The following PYY variants were observed in gnomAD, a reference collection of about 807,000 sequenced individuals.
The protein encoded by PYY is peptide YY, also known as peptide tyrosine tyrosine.
In PYY, 12 loss-of-function variants were observed where a neutral mutation model predicts 10.3. The ratio of observed to expected loss-of-function variants is 1.17; its 90% CI spans 0.75 to 1.89. The LOEUF (loss-of-function observed/expected upper bound fraction) is 1.89. PYY is among the 40% of genes most tolerant of loss of function. The pLI, the probability that PYY is intolerant of heterozygous loss-of-function variation, is 0.00. For synonymous variants in PYY, 66 were observed against 62.0 expected (o/e 1.06, Z -0.30); for missense variants, 141 against 134.0 (o/e 1.05, Z -0.26).
At chr17:43,970,201 T>TA (rs59609569) in intron 1 of PYY, among the ~76,000 whole-genome samples, 3,022 of 95,468 alleles carry the variant, frequency 0.032, 54 homozygotes, top group Middle Eastern at 0.051. Context: ...CCCTGTCTCT[T>TA]AAAAAAAAAA....
At chr17:43,976,583 C>G (rs2048850435) in intron 1 of PYY, among the ~76,000 whole-genome samples, 1 of 151,904 alleles carries the variant, frequency 6.6e-6, no homozygotes, top group South Asian at 2.1e-4. Flanking sequence ...ACCAGCCTGG[C>G]CAACATGGTG....
chr17:43,972,441 C>G (rs2143920839), intron 1 of PYY, among the ~76,000 whole-genome samples: 1 of 152,226 alleles, frequency 6.6e-6, no homozygotes. Context: ...GTCTCAAACT[C>G]CTGACCTCAG....
chr17:43,953,503 A>AC lies in PYY; in HGVS notation c.1-21dup. On this transcript the variant is annotated intron_variant, in intron 1 of 3. Transcript: ENST00000692052. ...CACCATCTGGGAAGGCGACATTGGG[A>AC]CGTGGGTCATTCCAAGCCTCGACCC... 5.1e-6 allele frequency: 8 copies of AC among 1,567,886 alleles called. No homozygotes were observed. The highest frequency in any genetic ancestry group is 6.1e-6 in the Non-Finnish European group (7 of 1,155,246).
chr17:43,963,950 C>CA (rs1254052825), intron 2 of PYY, among the ~76,000 whole-genome samples: 1 of 152,176 alleles, frequency 6.6e-6, no homozygotes, highest in Non-Finnish European at 1.5e-5. Context: ...ATCAAGGCTG[C>CA]AGTGAGCTGT....
chr17:43,957,103 C>T (rs1366430658), upstream of PYY, among the ~76,000 whole-genome samples: 2 of 148,530 alleles, frequency 1.3e-5, no homozygotes, highest in Admixed American at 1.4e-4. Flanking sequence ...GAGGCTGAAG[C>T]AGGAAAATTG....
Position 43,982,611 on chromosome 17 carries a change from G to A in PYY, c.-462-16079C>T, listed in dbSNP as rs186133612. Among the ~76,000 whole-genome samples, 32 of 152,284 alleles carry A rather than the reference G, an allele frequency of 2.1e-4. No homozygotes were observed. The East Asian group carries it at 5.0e-3, about 24-fold the overall frequency. On this transcript the variant is annotated intron_variant, in intron 1 of 6. Transcript: ENST00000360085. ...CAGGGGGACTAGCAGGGGCTGGGGGGAAAGCAGGTTAAGGCACGTGGAAGG... is the reference window on the plus strand; with the variant it reads ...CAGGGGGACTAGCAGGGGCTGGGGGAAAAGCAGGTTAAGGCACGTGGAAGG...
chr17:43,956,569 G>A (rs1286152757), upstream of PYY, among the ~76,000 whole-genome samples: 1 of 151,984 alleles, frequency 6.6e-6, no homozygotes, highest in African/African-American at 2.4e-5. Context: ...AAGGGTGGGG[G>A]ACAGAATCAA....
At chr17:44,003,670 C>CAAAAA (rs34426332) in intron 1 of PYY, among the ~76,000 whole-genome samples, 83 of 17,072 alleles carry the variant, frequency 4.9e-3, no homozygotes, top group Admixed American at 6.4e-3. Flanking sequence ...AACAAACAAA[C>CAAAAA]AAAAAAAAAA....
chr17:43,997,014 G>A (rs189374776), intron 1 of PYY, among the ~76,000 whole-genome samples: 1 of 151,482 alleles, frequency 6.6e-6, no homozygotes, highest in East Asian at 1.9e-4. Flanking sequence ...TCTTTTTTTG[G>A]GGTGATGTTG....
At position 43,953,444 on chromosome 17, in the gene PYY, CTG is replaced by C. The variant is rs1199918243; in HGVS notation, c.38_39del (p.Thr13SerfsTer?). 6.2e-7 allele frequency: 1 copy of C among 1,611,820 alleles called. No homozygotes were observed. Among genetic ancestry groups the C allele is most frequent in the Non-Finnish European group, 8.5e-7 (1 of 1,178,964 alleles). On this transcript the variant is annotated frameshift_variant, in exon 2 of 4. Coordinates refer to ENST00000692052, the MANE Select transcript of PYY (RefSeq NM_001394028.1). LOFTEE classifies it high-confidence loss of function. ...FVRRPWPALT[T>X]VLLALLVCLG... ...AGGCAGACGAGCAGGGCCAGAAGCA[CTG>C]TGGTCAAGGCGGGCCACGGCCTGCG... is the stretch of plus-strand genomic sequence containing the variant.
intron 1 of PYY, among the ~76,000 whole-genome samples, chr17:43,981,167 C>T (rs558393468): frequency 6.6e-5 from 10 of 152,140 alleles, no homozygotes; most frequent in South Asian, 4.2e-4. Flanking sequence ...CATGCCTGGC[C>T]GAGCAGAACA....
In PYY at chr17:43,972,372, C is replaced by T. The variant is rs141578577; in HGVS notation, c.-462-5840G>A. Among the ~76,000 whole-genome samples, 559 of 151,832 alleles carry T rather than the reference C, an allele frequency of 3.7e-3. 2 individuals carry two copies. Among genetic ancestry groups the T allele is most frequent in the African/African-American group, 0.012 (503 of 41,398 alleles). ...GGACTACAGCTGTGTGTCACCACGCCGGGCTAATTTTGTATTTTTTTTAGT... is the reference window on the plus strand; with the variant it reads ...GGACTACAGCTGTGTGTCACCACGCTGGGCTAATTTTGTATTTTTTTTAGT... On this transcript the variant is annotated intron_variant, in intron 1 of 6. Coordinates refer to the PYY transcript ENST00000360085.
At chr17:43,963,566 AAGGAAAAG>A (rs1433691323) in intron 2 of PYY, among the ~76,000 whole-genome samples, 55 of 119,352 alleles carry the variant, frequency 4.6e-4, no homozygotes, top group African/African-American at 1.5e-3. Flanking sequence ...GGAAGGAAGG[AAGGAAAAG>A]AAAGAAAGAA....
In PYY at chr17:43,987,040, G is replaced by A. The variant is rs538250857; in HGVS notation, c.-463+17351C>T. ...GCAACACCAGGGCTCAGCTCAGGCCGGTCTGGCCCTGGCCTCATGAAGCCA... is the reference window on the plus strand; with the variant it reads ...GCAACACCAGGGCTCAGCTCAGGCCAGTCTGGCCCTGGCCTCATGAAGCCA... On this transcript the variant is annotated intron_variant, in intron 1 of 6. Transcript: ENST00000360085. The surrounding 1 kb of genome is among the most constrained non-coding windows in gnomAD (Gnocchi z 4.0). Among the ~76,000 whole-genome samples the A allele has an allele frequency of 7.2e-5, 11 of 152,276 alleles. No homozygotes were observed. In the South Asian group the frequency reaches 1.5e-3, roughly 20 times the overall value.
rs1224976149 is a variant in PYY, at chr17:43,976,254, T to C, written c.-462-9722A>G. 2.8e-5 allele frequency among the ~76,000 whole-genome samples: 4 copies of C among 145,018 alleles called. 1 individual carries two copies. The highest frequency in any genetic ancestry group is 3.0e-5 in the Non-Finnish European group (2 of 67,050). ...ACATATGCGTATATATACACATATG[T>C]ATACATGTATACATGTACGTATATA... On this transcript the variant is annotated intron_variant, in intron 1 of 6. Coordinates refer to the PYY transcript ENST00000360085.
intron 1 of PYY, among the ~76,000 whole-genome samples, chr17:43,998,924 A>C (rs887020496): frequency 6.6e-6 from 1 of 152,200 alleles, no homozygotes; most frequent in Non-Finnish European, 1.5e-5. Context: ...TTAGAGACAC[A>C]GATCTGCAGT....
At position 43,953,572 on chromosome 17, in the gene PYY, C is replaced by A. The variant is rs1044585546; in HGVS notation, c.1-89G>T. On this transcript the variant is annotated intron_variant, in intron 1 of 3. Coordinates refer to ENST00000692052, the MANE Select transcript of PYY (RefSeq NM_001394028.1). ...GGCTGCCGTCGGGGCCGCGCTCCGACGCTCTCCCTGGGGCTGGTACCGGAC... is the reference window on the plus strand; with the variant it reads ...GGCTGCCGTCGGGGCCGCGCTCCGAAGCTCTCCCTGGGGCTGGTACCGGAC... 3.5e-5 allele frequency: 44 copies of A among 1,274,288 alleles called. No individual in the cohort carries two copies. In the South Asian group the frequency reaches 4.9e-4, roughly 14 times the overall value. 78.9% of individuals were successfully genotyped at this position (1,274,288 alleles called of 1,614,324 possible).
intron 1 of PYY, among the ~76,000 whole-genome samples, chr17:43,989,047 C>G (rs1385325903): frequency 8.1e-6 from 1 of 124,114 alleles, no homozygotes; most frequent in African/African-American, 3.0e-5. Context: ...CAAGTGTGAG[C>G]CACCGCACCC....
At position 43,989,879 on chromosome 17, in the gene PYY, TATATATATATATATATATATAC is replaced by T. The variant is rs1181106334; in HGVS notation, c.-463+14490_-463+14511del. Among the ~76,000 whole-genome samples the T allele has an allele frequency of 3.2e-3, 20 of 6,260 alleles. 8 individuals carry two copies. The highest frequency in any genetic ancestry group is 6.5e-3 in the African/African-American group (20 of 3,086). The allele number at this position is 6,260 out of a possible 152,430, so 4.1% of individuals were successfully genotyped here. A position where few individuals can be genotyped will look rare whatever the true frequency, so the allele number is the denominator to read the frequency against. ...ATATATATATATATATATATATATA[TATATATATATATATATATATAC>T]ACACAAATCTATAAGTAAGACATTA... is the stretch of plus-strand genomic sequence containing the variant. On this transcript the variant is annotated intron_variant, in intron 1 of 6. Transcript: ENST00000360085.
Sources: allele counts gnomAD v4.1 joint callset (sites outside exome capture counted in the v4.1 genomes callset), GRCh38; gene constraint gnomAD v4.1.1; non-coding constraint Gnocchi (gnomAD v3.1); transcripts MANE v1.5; gene names NCBI Gene and HGNC (gene_info 2026-07-23, HGNC 2026-07-21).